The following DYNC1I1 variants were observed in gnomAD, a reference collection of about 807,000 sequenced individuals.
DYNC1I1 encodes dynein cytoplasmic 1 intermediate chain 1, also known as cytoplasmic dynein 1 intermediate chain 1.
A neutral mutation model predicts 86.6 loss-of-function variants in DYNC1I1; 43 were observed. That is an observed-to-expected ratio of 0.50 (90% CI 0.39 to 0.64). DYNC1I1 has a LOEUF of 0.64. Ranked by LOEUF, DYNC1I1 falls within the 30% of genes least tolerant of loss-of-function variation. The pLI is 0.00. For missense variants in DYNC1I1, 604 were observed against 788.8 expected (o/e 0.77, Z 2.81); for synonymous variants, 262 against 283.7 (o/e 0.92, Z 0.77).
intron 11 of DYNC1I1, among the ~76,000 whole-genome samples, chr7:96,032,335 C>T (rs1043267694): frequency 1.3e-5 from 2 of 152,262 alleles, no homozygotes; most frequent in Non-Finnish European, 1.5e-5. Flanking sequence ...CCAAACTATG[C>T]GGTGGAGACT....
intron 4 of DYNC1I1, among the ~76,000 whole-genome samples, chr7:95,823,696 G>A (rs1216650119): frequency 6.6e-6 from 1 of 151,826 alleles, no homozygotes; most frequent in Non-Finnish European, 1.5e-5. Flanking sequence ...GGCTTCCCAG[G>A]AAGCGGGGCT....
chr7:95,775,898 A>C (rs1369039735), intron 1 of DYNC1I1, among the ~76,000 whole-genome samples: 2 of 151,960 alleles, frequency 1.3e-5, no homozygotes, highest in Non-Finnish European at 2.9e-5. Flanking sequence ...AATTAATTCA[A>C]CTCTCATTTT....
chr7:96,025,431 G>GA (rs1031884155), intron 10 of DYNC1I1, among the ~76,000 whole-genome samples: 19 of 145,906 alleles, frequency 1.3e-4, no homozygotes, highest in East Asian at 2.0e-4. Context: ...AACAGAAAAT[G>GA]AAAAAAAAAA....
intron 6 of DYNC1I1, among the ~76,000 whole-genome samples, chr7:95,883,929 G>GT (rs1365575432): frequency 6.6e-6 from 1 of 151,884 alleles, no homozygotes; most frequent in African/African-American, 2.4e-5. Context: ...AGAAGTTTAT[G>GT]TTTTTTTAAT....
intron 6 of DYNC1I1, among the ~76,000 whole-genome samples, chr7:95,907,757 G>T (rs1791213201): frequency 7.0e-6 from 1 of 142,098 alleles, no homozygotes; most frequent in South Asian, 2.3e-4. Context: ...ACTTGAGAAT[G>T]AATGTCTCAA....
intron 6 of DYNC1I1, among the ~76,000 whole-genome samples, chr7:95,963,304 T>G (rs1792922461): frequency 6.6e-6 from 1 of 152,218 alleles, no homozygotes; most frequent in Non-Finnish European, 1.5e-5. Flanking sequence ...GATATTTACA[T>G]ACATTTGTCG....
chr7:96,001,289 G>A (rs4727332), intron 10 of DYNC1I1, among the ~76,000 whole-genome samples: 4 of 152,092 alleles, frequency 2.6e-5, no homozygotes, highest in Non-Finnish European at 5.9e-5. Context: ...TCCCTTCCCT[G>A]CAATACCCAC....
At chr7:95,819,400 C>A (rs1369282487) in intron 4 of DYNC1I1, among the ~76,000 whole-genome samples, 1 of 152,002 alleles carries the variant, frequency 6.6e-6, no homozygotes, top group African/African-American at 2.4e-5. Flanking sequence ...TCTGGGGCCA[C>A]ATGGACATAA....
chr7:96,041,769 GA>G (rs1789059694), intron 14 of DYNC1I1, among the ~76,000 whole-genome samples: 1 of 152,032 alleles, frequency 6.6e-6, no homozygotes, highest in Non-Finnish European at 1.5e-5. Context: ...TATATAATTA[GA>G]AGTTGAAAGG....
At chr7:95,774,474 G>A (rs1793790736) in intron 1 of DYNC1I1, among the ~76,000 whole-genome samples, 1 of 152,092 alleles carries the variant, frequency 6.6e-6, no homozygotes, top group African/African-American at 2.4e-5. Flanking sequence ...TACTGTTAAA[G>A]CTTTAGGTAA....
intron 6 of DYNC1I1, among the ~76,000 whole-genome samples, chr7:95,906,547 G>A (rs916437908): frequency 3.3e-5 from 5 of 151,268 alleles, no homozygotes; most frequent in Admixed American, 1.3e-4. Context: ...CCTTGATCTC[G>A]GTGAAGGACT....
chr7:95,894,598 A>G (rs1790829499), intron 6 of DYNC1I1, among the ~76,000 whole-genome samples: 1 of 152,216 alleles, frequency 6.6e-6, no homozygotes, highest in African/African-American at 2.4e-5. Context: ...GTGCAAAAGT[A>G]ATCACAGTTT....
intron 6 of DYNC1I1, among the ~76,000 whole-genome samples, chr7:95,877,885 G>A (rs1335346800): frequency 2.0e-5 from 3 of 152,218 alleles, no homozygotes; most frequent in East Asian, 1.9e-4. Flanking sequence ...AAACTGAGCA[G>A]TTGAAGTGAT....
intron 9 of DYNC1I1, 76 bp from the exon 10 acceptor site, chr7:95,995,872 G>T: frequency 6.5e-7 from 1 of 1,529,334 alleles, no homozygotes; most frequent in Non-Finnish European, 8.8e-7. Flanking sequence ...AGTATACCAC[G>T]TGTATGTAGG....
intron 5 of DYNC1I1, among the ~76,000 whole-genome samples, chr7:95,860,052 T>C (rs879323544): frequency 3.3e-5 from 5 of 152,224 alleles, no homozygotes; most frequent in Non-Finnish European, 5.9e-5. Flanking sequence ...GCTCCATTGT[T>C]TTCCTTAGCT....
intron 6 of DYNC1I1, among the ~76,000 whole-genome samples, chr7:95,913,435 C>T (rs974933488): frequency 6.6e-6 from 1 of 152,138 alleles, no homozygotes; most frequent in African/African-American, 2.4e-5. Context: ...TGGATGGGAC[C>T]CTGTTGGAGG....
intron 1 of DYNC1I1, among the ~76,000 whole-genome samples, chr7:95,801,043 T>C (rs1364672093): frequency 1.3e-5 from 2 of 152,264 alleles, no homozygotes; most frequent in Non-Finnish European, 2.9e-5. Context: ...TTCACTATAA[T>C]GTATACTTTC....
intron 16 of DYNC1I1, among the ~76,000 whole-genome samples, chr7:96,108,880 T>G (rs918882481): frequency 2.7e-5 from 4 of 145,934 alleles, no homozygotes; most frequent in African/African-American, 7.6e-5. Flanking sequence ...AAAAAAAAGA[T>G]TTTTAAGCTA....
At chr7:95,934,194 T>G (rs1176402033) in intron 6 of DYNC1I1, among the ~76,000 whole-genome samples, 2 of 152,142 alleles carry the variant, frequency 1.3e-5, no homozygotes, top group African/African-American at 4.8e-5. Flanking sequence ...CTCAATGATT[T>G]GGAGAAATGA....
Sources: gnomAD v4.1 joint callset for allele counts (sites outside exome capture counted in the v4.1 genomes callset) on GRCh38, gnomAD v4.1.1 for gene constraint, MANE v1.5 for transcripts, NCBI Gene and HGNC (gene_info 2026-07-23, HGNC 2026-07-21) for gene names.